COL5A1: variants seen among roughly 807,000 people sequenced by gnomAD.
COL5A1 encodes the protein collagen alpha-1(V) chain.
A neutral mutation model predicts 263.7 loss-of-function variants in COL5A1; 16 were observed. The observed-to-expected ratio is 0.06, with a 90% CI of 0.04 to 0.09. COL5A1 has a LOEUF of 0.09. Among genes scored for constraint, COL5A1 ranks in the 10% least tolerant of loss-of-function variants. COL5A1 has a pLI of 1.00. For synonymous variants in COL5A1, 1,012 were observed against 1,004.5 expected (o/e 1.01, Z -0.14); for missense variants, 2,036 against 2,540.5 (o/e 0.80, Z 4.27).
intron 4 of COL5A1, among the ~76,000 whole-genome samples, chr9:134,710,108 G>A (rs753573765): frequency 5.3e-5 from 8 of 152,198 alleles, no homozygotes; most frequent in Non-Finnish European, 1.2e-4. Context: ...CCTTCCCATG[G>A]CTTTGAGCCA....
At chr9:134,774,101 G>A (rs1401940208) in intron 26 of COL5A1, among the ~76,000 whole-genome samples, 1 of 152,244 alleles carries the variant, frequency 6.6e-6, no homozygotes, top group East Asian at 1.9e-4. Context: ...TCTGAGAGCT[G>A]GCTTTTCAAC....
intron 37 of COL5A1, among the ~76,000 whole-genome samples, chr9:134,800,027 C>G (rs1838050108): frequency 6.6e-6 from 1 of 152,190 alleles, no homozygotes; most frequent in African/African-American, 2.4e-5. Flanking sequence ...GACATAGCAT[C>G]TCCTCCATGG....
In COL5A1 at chr9:134,804,917, C is replaced by A. The variant is rs181471282; in HGVS notation, c.3115-58C>A. On this transcript the variant is annotated intron_variant, in intron 39 of 65. Coordinates refer to ENST00000371817, the MANE Select transcript of COL5A1 (RefSeq NM_000093.5). ...CCCAGCCCTTGGCTTCGCTCTGGGG[C>A]TGGTGAGAGGTCTGCGTCACTGGCT... 64 of 1,457,914 alleles carry A rather than the reference C, an allele frequency of 4.4e-5. 1 individual carries two copies. The African/African-American group carries it at 7.6e-4, about 17-fold the overall frequency. 90.3% of individuals were successfully genotyped at this position (1,457,914 alleles called of 1,614,324 possible).
chr9:134,723,094 G>A (rs1834525802), intron 4 of COL5A1, among the ~76,000 whole-genome samples: 1 of 152,194 alleles, frequency 6.6e-6, no homozygotes, highest in Non-Finnish European at 1.5e-5. Flanking sequence ...AGCCCCCGAG[G>A]TGAAGTCTGG....
At chr9:134,823,490 A>C (rs751725626) in intron 61 of COL5A1, 21 bp downstream of exon 61, 1 of 1,613,706 alleles carries the variant, frequency 6.2e-7, no homozygotes, top group Non-Finnish European at 8.5e-7. Context: ...CTTGAAGCCC[A>C]GAAAGCGGGA....
At chr9:134,771,409 A>C (rs1836861747) in intron 25 of COL5A1, among the ~76,000 whole-genome samples, 1 of 152,214 alleles carries the variant, frequency 6.6e-6, no homozygotes, top group African/African-American at 2.4e-5. Context: ...GTGGTGGCCA[A>C]GCACGTCCCC....
At chr9:134,756,706 C>CG (rs1835989319) in intron 16 of COL5A1, 59 bp from the exon 17 acceptor site, 3 of 1,561,600 alleles carry the variant, frequency 1.9e-6, no homozygotes, top group Non-Finnish European at 2.6e-6. Flanking sequence ...AACCATGGCC[C>CG]GGGGGTCTCA....
At chr9:134,648,304 A>ATATAAT (rs372346402) in intron 1 of COL5A1, among the ~76,000 whole-genome samples, 1 of 116,732 alleles carries the variant, frequency 8.6e-6, no homozygotes, top group African/African-American at 3.0e-5. Context: ...ATATATATAT[A>ATATAAT]ATATATATAT....
At chr9:134,749,316 C>T (rs1037294960) in intron 11 of COL5A1, among the ~76,000 whole-genome samples, 5 of 152,230 alleles carry the variant, frequency 3.3e-5, no homozygotes, top group East Asian at 1.9e-4. Flanking sequence ...CCAGCATGTG[C>T]GTCTTCATCT....
chr9:134,844,789 A>G lies in COL5A1; in HGVS notation c.*2486A>G, dbSNP rs566212141. Reference sequence around the variant, plus strand: ...ATATTCTAAACTTGTGTAACAAAGGAATAATTAACTGTAATAGTTTTTCAA... The same window carrying G: ...ATATTCTAAACTTGTGTAACAAAGGGATAATTAACTGTAATAGTTTTTCAA... On this transcript the variant is annotated 3_prime_UTR_variant, in exon 66 of 66. Coordinates refer to ENST00000371817, the MANE Select transcript of COL5A1 (RefSeq NM_000093.5). 1.7e-4 allele frequency: 26 copies of G among 152,388 alleles called. No individual in the cohort carries two copies. Among genetic ancestry groups the G allele is most frequent in the African/African-American group, 6.0e-4 (25 of 41,598 alleles). 9.4% of individuals were successfully genotyped at this position (152,388 alleles called of 1,614,324 possible).
intron 51 of COL5A1, 62 bp from the exon 52 acceptor site, chr9:134,815,873 C>A: frequency 6.3e-7 from 1 of 1,585,410 alleles, no homozygotes; most frequent in Non-Finnish European, 8.7e-7. Context: ...GCATTGGGAA[C>A]TGGTGCATGA....
At position 134,768,463 on chromosome 9, in the gene COL5A1, G is replaced by A. The variant is rs766817444; in HGVS notation, c.2286G>A (p.Pro762=). The part of the protein sequence containing the change: ...LPGMPGADGP[P]GHPGKEGPPG... The stretch of plus-strand genomic sequence containing the variant: ...GAATGCCCGGTGCTGACGGACCCCC[G>A]GTGAGTAGCCCTGCCCACCTCATCC... The change falls in exon 25 of 66, where the codon CCG becomes CCA. Residue 762 remains proline (P), a splice_region_variant and synonymous_variant. Coordinates refer to ENST00000371817, the MANE Select transcript of COL5A1 (RefSeq NM_000093.5). The A allele has an allele frequency of 5.7e-5, 92 of 1,613,820 alleles. No individual in the cohort carries two copies. The highest frequency in any genetic ancestry group is 9.9e-5 in the South Asian group (9 of 91,088).
In COL5A1 at chr9:134,789,020, G is replaced by A; in HGVS notation, c.2647-135G>A. ...AGAAGGTAGGTAGACAGGTAGGTGGGTGGTTGGGTGGGTGGGCAGGTGGAG... is the reference window on the plus strand; with the variant it reads ...AGAAGGTAGGTAGACAGGTAGGTGGATGGTTGGGTGGGTGGGCAGGTGGAG... On this transcript the variant is annotated intron_variant, in intron 31 of 65. Transcript: ENST00000371817. The surrounding 1 kb of genome is among the most constrained non-coding windows in gnomAD (Gnocchi z 4.8). The A allele has an allele frequency of 9.5e-6, 7 of 738,362 alleles. No homozygotes were observed. Among genetic ancestry groups the A allele is most frequent in the South Asian group, 7.5e-5 (5 of 67,080 alleles). The allele number at this position is 738,362 out of a possible 1,614,324, so 45.7% of individuals were successfully genotyped here.
Position 134,822,084 on chromosome 9 carries a change from T to C in COL5A1, c.4555-13T>C. On this transcript the variant is annotated splice_polypyrimidine_tract_variant and intron_variant, in intron 58 of 65. Coordinates refer to ENST00000371817, the MANE Select transcript of COL5A1 (RefSeq NM_000093.5). The stretch of plus-strand genomic sequence containing the variant: ...TCTGAAGGTGATAACCTGCATTTTC[T>C]GGTCCTTTTCAGGGTATCACTGGTC... 1 of 1,610,716 alleles carries C rather than the reference T, an allele frequency of 6.2e-7. No homozygotes were observed. Among genetic ancestry groups the C allele is most frequent in the South Asian group, 1.1e-5 (1 of 91,012 alleles).
chr9:134,661,850 G>A (rs928980587), intron 1 of COL5A1, among the ~76,000 whole-genome samples: 1 of 152,088 alleles, frequency 6.6e-6, no homozygotes, highest in Non-Finnish European at 1.5e-5. Context: ...TCCTCCGACC[G>A]CTTCTTCCCT....
At chr9:134,740,025 G>A (rs949078283) in intron 11 of COL5A1, among the ~76,000 whole-genome samples, 16 of 152,196 alleles carry the variant, frequency 1.1e-4, no homozygotes, top group Admixed American at 9.2e-4. Context: ...TCTCTGCCAC[G>A]TTGCTTTTCA....
In COL5A1 at chr9:134,647,897, A is replaced by T. The variant is rs1300896880; in HGVS notation, c.109+5601A>T. On this transcript the variant is annotated intron_variant, in intron 1 of 65. Transcript: ENST00000371817. This position sits in a 1 kb window ranked among gnomAD's most constrained non-coding sequence, Gnocchi z 5.0. ...TGCCTCGATCCTGCAGGCGGAGCCC[A>T]CAGCGGCCCTTGTGGTGGTTACTAC... Among the ~76,000 whole-genome samples the T allele has an allele frequency of 6.6e-6, 1 of 152,180 alleles. No homozygotes were observed. The highest frequency in any genetic ancestry group is 1.5e-5 in the Non-Finnish European group (1 of 68,044).
At chr9:134,646,899 G>A (rs886665126) in intron 1 of COL5A1, among the ~76,000 whole-genome samples, 2 of 152,232 alleles carry the variant, frequency 1.3e-5, no homozygotes, top group African/African-American at 4.8e-5. Flanking sequence ...TGGGCTGGGC[G>A]AGGACAAGTC....
chr9:134,690,823 G>T, intron 1 of COL5A1, 89 bp from the exon 2 acceptor site: 1 of 1,478,928 alleles, frequency 6.8e-7, no homozygotes, highest in Non-Finnish European at 9.4e-7. Flanking sequence ...GGTGGGGGTG[G>T]GGGTGCTTCC....
Sources: allele counts gnomAD v4.1 joint callset (sites outside exome capture counted in the v4.1 genomes callset), GRCh38; gene constraint gnomAD v4.1.1; non-coding constraint Gnocchi (gnomAD v3.1); transcripts MANE v1.5; gene names NCBI Gene and HGNC (gene_info 2026-07-23, HGNC 2026-07-21).